MACROD2: variants seen among roughly 807,000 people sequenced by gnomAD.
MACROD2 encodes the protein ADP-ribose glycohydrolase MACROD2.
MACROD2 carries 36 observed loss-of-function variants against 70.4 expected under a neutral mutation model. The ratio of observed to expected loss-of-function variants is 0.51; its 90% CI spans 0.39 to 0.68. The LOEUF is 0.68. MACROD2 is among the 30% of genes least tolerant of loss of function. The pLI, the probability that MACROD2 is intolerant of heterozygous loss-of-function variation, is 0.00. For synonymous variants in MACROD2, 172 were observed against 178.8 expected, an observed-to-expected ratio of 0.96 and a Z score of 0.30; for missense variants, 496 against 538.4, an observed-to-expected ratio of 0.92 and a Z score of 0.78.
chr20:14,451,592 G>T (rs1449858250), intron 3 of MACROD2, among the ~76,000 whole-genome samples: 1 of 152,140 alleles, frequency 6.6e-6, no homozygotes, highest in African/African-American at 2.4e-5. Context: ...ATGCTTATTC[G>T]CCTTCTTCCA....
At chr20:15,360,586 A>G (rs149915664) in intron 6 of MACROD2, among the ~76,000 whole-genome samples, 1 of 152,182 alleles carries the variant, frequency 6.6e-6, no homozygotes, top group Non-Finnish European at 1.5e-5. Flanking sequence ...AATTGTCTTA[A>G]CTTTTGGTTG....
rs540119134 is a variant in MACROD2 at position 14,708,743 on chromosome 20, G to A, written c.418+23784G>A. On this transcript the variant is annotated intron_variant, in intron 5 of 17. Transcript: ENST00000684519. Reference sequence around the variant, plus strand: ...AGCGATTCTCCTGCCTCAGCCTCCCGAGTAGCTGGGATTACAGGTGCCCGC... The same window carrying A: ...AGCGATTCTCCTGCCTCAGCCTCCCAAGTAGCTGGGATTACAGGTGCCCGC... 9.3e-3 allele frequency among the ~76,000 whole-genome samples: 1,411 copies of A among 152,028 alleles called. 15 individuals are homozygous for A. The highest frequency in any genetic ancestry group is 0.032 in the African/African-American group (1,344 of 41,484).
At chr20:14,880,940 C>A (rs1460735137) in intron 5 of MACROD2, among the ~76,000 whole-genome samples, 1 of 152,134 alleles carries the variant, frequency 6.6e-6, no homozygotes. Context: ...TGCCCCTATC[C>A]CTGCCTGAGT....
chr20:14,862,176 TATAA>T (rs1432041116), intron 5 of MACROD2, among the ~76,000 whole-genome samples: 1 of 9,166 alleles, frequency 1.1e-4, no homozygotes, highest in Non-Finnish European at 1.8e-4. Context: ...TATAAATATA[TATAA>T]ATATATATTT....
At chr20:15,195,035 A>T (rs1273241687) in intron 5 of MACROD2, among the ~76,000 whole-genome samples, 1 of 152,238 alleles carries the variant, frequency 6.6e-6, no homozygotes, top group Non-Finnish European at 1.5e-5. Flanking sequence ...AGCCATATGC[A>T]GAAAATTTAA....
intron 5 of MACROD2, among the ~76,000 whole-genome samples, chr20:15,146,043 AATTT>A (rs1479640296): frequency 6.6e-6 from 1 of 152,142 alleles, no homozygotes; most frequent in African/African-American, 2.4e-5. Flanking sequence ...AAACATTTAA[AATTT>A]ATTTGTTACA....
At chr20:15,619,621 T>G (rs1311836859) in intron 8 of MACROD2, 6 of 451,444 alleles carry the variant, frequency 1.3e-5, no homozygotes, top group African/African-American at 1.3e-4. Context: ...CTATTTGGCT[T>G]TGGCCATGTT....
chr20:15,611,817 A>T (rs1298942188), intron 8 of MACROD2, among the ~76,000 whole-genome samples: 1 of 149,124 alleles, frequency 6.7e-6, no homozygotes, highest in Admixed American at 6.8e-5. Context: ...CCATTACTAG[A>T]TGATGTCTAT....
chr20:15,401,246 GC>G (rs1443973623), intron 6 of MACROD2, among the ~76,000 whole-genome samples: 1 of 152,084 alleles, frequency 6.6e-6, no homozygotes, highest in Non-Finnish European at 1.5e-5. Flanking sequence ...CACTGTGTTA[GC>G]CAGGATGGTC....
At chr20:14,363,977 G>C (rs1327863652) in intron 3 of MACROD2, among the ~76,000 whole-genome samples, 2 of 152,026 alleles carry the variant, frequency 1.3e-5, no homozygotes, top group Admixed American at 6.6e-5. Context: ...TCAAAACATA[G>C]ATGCCTTGGC....
chr20:15,776,645 G>A (rs6135503), intron 8 of MACROD2, among the ~76,000 whole-genome samples: 72,064 of 152,008 alleles, frequency 0.47, 18,004 homozygotes, highest in African/African-American at 0.63. Flanking sequence ...ACACACACCT[G>A]CAAGAGTGGT....
intron 3 of MACROD2, among the ~76,000 whole-genome samples, chr20:14,458,174 T>G (rs1262466046): frequency 1.3e-5 from 2 of 152,044 alleles, no homozygotes; most frequent in African/African-American, 4.8e-5. Flanking sequence ...ATTTAGATAT[T>G]TAGATGAGGT....
At chr20:15,528,393 T>G (rs2146541780) in intron 8 of MACROD2, among the ~76,000 whole-genome samples, 1 of 152,336 alleles carries the variant, frequency 6.6e-6, no homozygotes, top group South Asian at 2.1e-4. Context: ...AGTGCTGGGG[T>G]TACAGGCATG....
At chr20:15,946,109 CA>C (rs898696520) in intron 12 of MACROD2, among the ~76,000 whole-genome samples, 3 of 152,242 alleles carry the variant, frequency 2.0e-5, no homozygotes, top group Non-Finnish European at 2.9e-5. Flanking sequence ...ATGTAAAACC[CA>C]AAGCACTTTG....
At chr20:15,286,253 G>A (rs575619778) in intron 6 of MACROD2, among the ~76,000 whole-genome samples, 1 of 152,020 alleles carries the variant, frequency 6.6e-6, no homozygotes, top group Non-Finnish European at 1.5e-5. Flanking sequence ...GTAATGTGTT[G>A]GATCTTTAAA....
intron 5 of MACROD2, among the ~76,000 whole-genome samples, chr20:14,969,178 T>TAA (rs2074667312): frequency 6.6e-6 from 1 of 151,432 alleles, no homozygotes; most frequent in African/African-American, 2.4e-5. Context: ...TATATATATA[T>TAA]AAATCTGTAC....
At chr20:15,429,958 A>G (rs532494221) in intron 6 of MACROD2, among the ~76,000 whole-genome samples, 1 of 152,102 alleles carries the variant, frequency 6.6e-6, no homozygotes, top group South Asian at 2.1e-4. Flanking sequence ...TCAATGAATT[A>G]TTCTACTCTC....
At chr20:14,294,273 T>C (rs1239941017) in intron 3 of MACROD2, among the ~76,000 whole-genome samples, 1 of 151,134 alleles carries the variant, frequency 6.6e-6, no homozygotes, top group Non-Finnish European at 1.5e-5. Flanking sequence ...TATAGCACAG[T>C]GACTAGAGGA....
chr20:15,418,329 A>G (rs1411408832), intron 6 of MACROD2, among the ~76,000 whole-genome samples: 1 of 152,094 alleles, frequency 6.6e-6, no homozygotes, highest in Non-Finnish European at 1.5e-5. Context: ...ATATTGTTGA[A>G]TGTGTATTCT....
Sources: allele counts gnomAD v4.1 joint callset (sites outside exome capture counted in the v4.1 genomes callset), GRCh38; gene constraint gnomAD v4.1.1; transcripts MANE v1.5; gene names NCBI Gene and HGNC (gene_info 2026-07-23, HGNC 2026-07-21).